SBF1: variants seen among roughly 807,000 people sequenced by gnomAD.
SBF1 encodes the protein SET binding factor 1.
SBF1 carries 65 observed loss-of-function variants against 215.8 expected under a neutral mutation model. The ratio of observed to expected loss-of-function variants is 0.30; its 90% CI spans 0.25 to 0.37. The LOEUF (loss-of-function observed/expected upper bound fraction) is 0.37. Among genes scored for constraint, SBF1 ranks in the 10% least tolerant of loss-of-function variants. The probability of loss-of-function intolerance (pLI) is 1.00; values close to 1 mark genes in which losing one functional copy is unlikely to be tolerated. For synonymous variants in SBF1, 1,410 were observed against 1,122.8 expected, an observed-to-expected ratio of 1.26 and a Z score of -5.11; for missense variants, 2,634 against 2,667.8, an observed-to-expected ratio of 0.99 and a Z score of 0.28.
chr22:50,455,188 C>T (rs1374561757), intron 33 of SBF1, 36 bp downstream of exon 33: 3 of 1,613,574 alleles, frequency 1.9e-6, no homozygotes, highest in East Asian at 2.2e-5. Context: ...GGTCAGGGTG[C>T]ACAGTCCCGG....
At chr22:50,462,738 G>A (rs970287645) in intron 17 of SBF1, 21 bp from the exon 18 acceptor site, 1 of 1,610,456 alleles carries the variant, frequency 6.2e-7, no homozygotes. Flanking sequence ...CAGGGGAGAA[G>A]GTCAGCTGGA....
In SBF1 at chr22:50,446,531, G is replaced by A. The variant is rs555750779; in HGVS notation, c.*611C>T. 1.1e-5 allele frequency: 3 copies of A among 271,816 alleles called. No homozygotes were observed. The highest frequency in any genetic ancestry group is 1.1e-4 in the South Asian group (3 of 27,884). The allele number at this position is 271,816 out of a possible 1,614,324, so 16.8% of individuals were successfully genotyped here. A position where few individuals can be genotyped will look rare whatever the true frequency, so the allele number is the denominator to read the frequency against. ...GCTTCTGCATCCCCTGGGTAGGGATGGGGGCTTCCTCTCCAGCCGTGCCGG... is the reference window on the plus strand; with the variant it reads ...GCTTCTGCATCCCCTGGGTAGGGATAGGGGCTTCCTCTCCAGCCGTGCCGG... On this transcript the variant is annotated 3_prime_UTR_variant, in exon 41 of 41. Transcript: ENST00000380817.
At chr22:50,464,230 G>C in intron 15 of SBF1, 99 bp downstream of exon 15, 1 of 1,002,834 alleles carries the variant, frequency 1.0e-6, no homozygotes, top group East Asian at 2.5e-5. Context: ...AGGCAGAGGA[G>C]GCCCTGGGGC....
chr22:50,467,110 C>T, intron 5 of SBF1: 1 of 595,744 alleles, frequency 1.7e-6, no homozygotes, highest in Non-Finnish European at 3.0e-6. Flanking sequence ...GACAGGCACA[C>T]ACCATCAAAG....
At position 50,446,826 on chromosome 22, in the gene SBF1, T is replaced by C. The variant is rs367882692; in HGVS notation, c.*316A>G. ...GAGCGTGGCGTTAGTTCTCTCTTTA[T>C]ATAGACTCTGGTTCTAGAAACTCGC... On this transcript the variant is annotated 3_prime_UTR_variant, in exon 41 of 41. Transcript: ENST00000380817. 1.5e-4 allele frequency: 101 copies of C among 694,768 alleles called. 1 individual carries two copies. Among genetic ancestry groups the C allele is most frequent in the African/African-American group, 1.4e-3 (78 of 57,744 alleles). The allele number at this position is 694,768 out of a possible 1,614,324, so 43.0% of individuals were successfully genotyped here. A position where few individuals can be genotyped will look rare whatever the true frequency, so the allele number is the denominator to read the frequency against.
At position 50,466,336 on chromosome 22, in the gene SBF1, C is replaced by G; in HGVS notation, c.788+14G>C. On this transcript the variant is annotated intron_variant, in intron 7 of 40. Coordinates refer to ENST00000380817, the MANE Select transcript of SBF1 (RefSeq NM_002972.4). Reference sequence around the variant, plus strand: ...GGCCAGGAGAAGGGGCTGGGAGGGCCGGGCAGGGGTCACCTGTATCTGAGA... The same window carrying G: ...GGCCAGGAGAAGGGGCTGGGAGGGCGGGGCAGGGGTCACCTGTATCTGAGA... 1.9e-6 allele frequency: 3 copies of G among 1,583,794 alleles called. No individual in the cohort carries two copies. Among genetic ancestry groups the G allele is most frequent in the East Asian group, 2.3e-5 (1 of 43,280 alleles).
chr22:50,469,507 C>A (rs982408390), intron 1 of SBF1, among the ~76,000 whole-genome samples: 1 of 152,212 alleles, frequency 6.6e-6, no homozygotes, highest in South Asian at 2.1e-4. Context: ...GTGGGACACT[C>A]AGGGTGTGGC....
At position 50,462,082 on chromosome 22, in the gene SBF1, T is replaced by C. The variant is rs776557318; in HGVS notation, c.2434A>G (p.Ser812Gly). The C allele has an allele frequency of 1.2e-6, 2 of 1,613,904 alleles. No individual in the cohort carries two copies. The highest frequency in any genetic ancestry group is 8.5e-7 in the Non-Finnish European group (1 of 1,180,006). Residue 812 changes from serine to glycine, a missense_variant, in exon 20 of 41, where the codon AGC (serine) becomes GGC (glycine). Ser to Gly is a moderately conservative substitution (Grantham distance 56). Transcript: ENST00000380817. ...CAGGTCTCTGCATCCTCGAAGCCGC[T>C]CTCCGTGTCATAGCTCTCGGCCACA... ...GSVAESYDTE[S>G]GFEDAETCDV...
rs1230445238 is a variant in SBF1 at position 50,447,057 on chromosome 22, G to T, written c.*85C>A. On this transcript the variant is annotated 3_prime_UTR_variant, in exon 41 of 41. Transcript: ENST00000380817. ...GGCCTCAATACTGTCGAGGGCCGGG[G>T]CTGTAAACATGGCCGGGGCGGCCCT... The T allele has an allele frequency of 4.9e-6, 6 of 1,217,748 alleles. No individual in the cohort carries two copies. The highest frequency in any genetic ancestry group is 2.5e-5 in the East Asian group (1 of 39,608). The allele number at this position is 1,217,748 out of a possible 1,614,324, so 75.4% of individuals were successfully genotyped here.
chr22:50,465,960 C>T lies in SBF1; in HGVS notation c.1011+1G>A. The T allele has an allele frequency of 6.2e-7, 1 of 1,613,828 alleles. No homozygotes were observed. The highest frequency in any genetic ancestry group is 8.5e-7 in the Non-Finnish European group (1 of 1,179,868). ...TCCCGCTTGCCCATGGTGCCCCTCA[C>T]CATGCTCAGCACACTGTGCGTCTGA... is the stretch of plus-strand genomic sequence containing the variant. On this transcript the variant is annotated splice_donor_variant, in intron 9 of 40. Coordinates refer to ENST00000380817, the MANE Select transcript of SBF1 (RefSeq NM_002972.4). LOFTEE classifies it high-confidence loss of function.
intron 1 of SBF1, among the ~76,000 whole-genome samples, chr22:50,471,461 G>A (rs1426651718): frequency 1.3e-5 from 2 of 152,210 alleles, no homozygotes; most frequent in Non-Finnish European, 2.9e-5. Context: ...GGCAAAGAAG[G>A]ATGGCAGCCT....
intron 10 of SBF1, 139 bp downstream of exon 10, chr22:50,465,624 T>C: frequency 2.4e-6 from 2 of 818,652 alleles, no homozygotes; most frequent in Non-Finnish European, 3.8e-6. Flanking sequence ...TGGCAGCTGC[T>C]TTGCTCCCAG....
At chr22:50,468,524 G>A (rs1302411270) in intron 1 of SBF1, 63 bp from the exon 2 acceptor site, 2 of 1,260,096 alleles carry the variant, frequency 1.6e-6, no homozygotes, top group Non-Finnish European at 2.2e-6. Context: ...GAGGCTTGAG[G>A]ATCCCAGGGT....
chr22:50,445,585 G>T lies in SBF1; in HGVS notation c.*1557C>A, dbSNP rs374392208. 2 of 152,442 alleles carry T rather than the reference G, an allele frequency of 1.3e-5. No individual in the cohort carries two copies. Among genetic ancestry groups the T allele is most frequent in the South Asian group, 2.1e-4 (1 of 4,832 alleles). 9.4% of individuals were successfully genotyped at this position (152,442 alleles called of 1,614,324 possible). On this transcript the variant is annotated 3_prime_UTR_variant, in exon 41 of 41. Coordinates refer to ENST00000380817, the MANE Select transcript of SBF1 (RefSeq NM_002972.4). ...CTCTCCCCCCACAGACGTGGAACAG[G>T]GAGGGCAGGGTCCTTTCTCCCCTTA...
In SBF1 at chr22:50,465,830, G is replaced by C. The variant is rs780381909; in HGVS notation, c.1022C>G (p.Pro341Arg). ...GGCGAGGTCAGCCAACTCCAGCTCC[G>C]GGTCCAGGACCTGCCAGCACAGAAT... ...THSVLSMVLD[P>R]ELELADLAFP... The change falls in exon 10 of 41, where the codon CCG (proline) becomes CGG (arginine). Residue 341 changes from proline to arginine, a missense_variant. Transcript: ENST00000380817. 2 of 1,612,704 alleles carry C rather than the reference G, an allele frequency of 1.2e-6. No homozygotes were observed. Among genetic ancestry groups the C allele is most frequent in the Non-Finnish European group, 1.7e-6 (2 of 1,179,680 alleles).
chr22:50,469,959 G>A (rs925565621), intron 1 of SBF1, among the ~76,000 whole-genome samples: 3 of 152,152 alleles, frequency 2.0e-5, no homozygotes, highest in Non-Finnish European at 2.9e-5. Context: ...GTGAGGGGCC[G>A]ATTCTGACTC....
At position 50,448,551 on chromosome 22, in the gene SBF1, C is replaced by T; in HGVS notation, c.5143G>A (p.Asp1715Asn). ...CACTGGCCCTCACTCACACGGCCGT[C>T]TGGCCGGCCCTCGAGGCGCTGTGCA... is the stretch of plus-strand genomic sequence containing the variant. ...KAAQRLEGRP[D>N]GRGTPSSLLV... The change falls in exon 37 of 41, where the codon GAC becomes AAC. Residue 1715 changes from aspartate (D) to asparagine (N), a missense_variant. Transcript: ENST00000380817. 1 of 1,612,200 alleles carries T rather than the reference C, an allele frequency of 6.2e-7. No homozygotes were observed. The highest frequency in any genetic ancestry group is 8.5e-7 in the Non-Finnish European group (1 of 1,179,786).
At chr22:50,452,125 G>A (rs2067070047) in intron 36 of SBF1, among the ~76,000 whole-genome samples, 1 of 133,438 alleles carries the variant, frequency 7.5e-6, no homozygotes, top group African/African-American at 2.8e-5. Context: ...AGTGACATCA[G>A]TTTAACTGCT....
rs1421784838 is a variant in SBF1, at chr22:50,463,316, G to A, written c.1866C>T (p.Asp622=). The A allele has an allele frequency of 2.3e-5, 37 of 1,613,314 alleles. No individual in the cohort carries two copies. The highest frequency in any genetic ancestry group is 2.9e-5 in the Non-Finnish European group (34 of 1,179,802). The part of the protein sequence containing the change: ...NRAVLDHQQF[D]FVVRMMNCCL... ...AGCAGTTCATCATACGGACGACAAAGTCAAACTGCTGGTGGTCCAGGACCG... is the reference window on the plus strand; with the variant it reads ...AGCAGTTCATCATACGGACGACAAAATCAAACTGCTGGTGGTCCAGGACCG... Residue 622 remains aspartate (D), a synonymous_variant, in exon 16 of 41, where the codon GAC becomes GAT. Transcript: ENST00000380817.
Sources: gnomAD v4.1 joint callset for allele counts (sites outside exome capture counted in the v4.1 genomes callset) on GRCh38, gnomAD v4.1.1 for gene constraint, MANE v1.5 for transcripts, NCBI Gene and HGNC (gene_info 2026-07-23, HGNC 2026-07-21) for gene names.